Variants in APBA1 observed in about 807,000 individuals in gnomAD.
APBA1 encodes amyloid-beta A4 precursor protein-binding family A member 1.
In APBA1, 55 loss-of-function variants were observed where a neutral mutation model predicts 86.6. That is an observed-to-expected ratio of 0.64 (90% CI 0.51 to 0.80). The LOEUF is 0.80. APBA1 is among the 30% of genes least tolerant of loss of function. The pLI, the probability that APBA1 is intolerant of heterozygous loss-of-function variation, is 0.00. For missense variants in APBA1, 1,090 were observed against 1,183.0 expected (o/e 0.92, Z 1.15); for synonymous variants, 511 against 493.9 (o/e 1.03, Z -0.46).
intron 1 of APBA1, among the ~76,000 whole-genome samples, chr9:69,668,850 G>A (rs1473830970): frequency 6.6e-6 from 1 of 152,026 alleles, no homozygotes; most frequent in Non-Finnish European, 1.5e-5. Context: ...CAACCCAAAT[G>A]CCACCTTAAT....
At chr9:69,522,975 G>A (rs1487774311) in intron 1 of APBA1, among the ~76,000 whole-genome samples, 1 of 152,178 alleles carries the variant, frequency 6.6e-6, no homozygotes, top group Non-Finnish European at 1.5e-5. Flanking sequence ...GTGGCATCCT[G>A]GCTACAGGAT....
intron 12 of APBA1, 66 bp downstream of exon 12, chr9:69,432,470 G>T: frequency 7.1e-7 from 1 of 1,399,192 alleles, no homozygotes; most frequent in Non-Finnish European, 9.4e-7. Context: ...GGGCCACGGT[G>T]AGCATACGAG....
In APBA1 at chr9:69,636,824, AGAGAGAGGGAGGGAGGGAGG is replaced by A. The variant is rs1405632160; in HGVS notation, c.-70+35309_-70+35328del. ...AAAGAAGAGAGAGAGAGAGAGAGAG[AGAGAGAGGGAGGGAGGGAGG>A]GAGGGAGGGAGGGAGGGAGGGAGAG... is the stretch of plus-strand genomic sequence containing the variant. On this transcript the variant is annotated intron_variant, in intron 1 of 12. Transcript: ENST00000265381. Among the ~76,000 whole-genome samples, 20 of 40,666 alleles carry A rather than the reference AGAGAGAGGGAGGGAGGGAGG, an allele frequency of 4.9e-4. 1 individual carries two copies. The highest frequency in any genetic ancestry group is 0.011 in the Middle Eastern group (1 of 88). The allele number at this position is 40,666 out of a possible 152,430, so 26.7% of individuals were successfully genotyped here.
At chr9:69,473,581 C>T (rs1054307980) in intron 3 of APBA1, among the ~76,000 whole-genome samples, 3 of 152,096 alleles carry the variant, frequency 2.0e-5, no homozygotes, top group Non-Finnish European at 4.4e-5. Flanking sequence ...TGGTCTATAG[C>T]TCTAAAAGCT....
At chr9:69,620,402 C>G (rs1159556830) in intron 1 of APBA1, among the ~76,000 whole-genome samples, 2 of 151,964 alleles carry the variant, frequency 1.3e-5, no homozygotes, top group African/African-American at 4.8e-5. Flanking sequence ...GAGTGCCGGC[C>G]AGGCATGGTG....
At chr9:69,543,640 G>A (rs1457775878) in intron 1 of APBA1, among the ~76,000 whole-genome samples, 1 of 152,138 alleles carries the variant, frequency 6.6e-6, no homozygotes, top group African/African-American at 2.4e-5. Context: ...AGAACTCTAG[G>A]AACTAGTTGT....
chr9:69,642,660 A>C (rs1823311529), intron 1 of APBA1, among the ~76,000 whole-genome samples: 1 of 152,098 alleles, frequency 6.6e-6, no homozygotes, highest in Non-Finnish European at 1.5e-5. Context: ...AGAGAGATAG[A>C]GAGAAATAAA....
At chr9:69,575,558 C>A (rs1433418188) in intron 1 of APBA1, among the ~76,000 whole-genome samples, 1 of 152,104 alleles carries the variant, frequency 6.6e-6, no homozygotes, top group East Asian at 1.9e-4. Flanking sequence ...TGCCGCATAT[C>A]TACAACTATC....
chr9:69,439,904 C>T (rs1834780729), intron 11 of APBA1, among the ~76,000 whole-genome samples: 1 of 152,180 alleles, frequency 6.6e-6, no homozygotes, highest in African/African-American at 2.4e-5. Context: ...TTTTCCCCAT[C>T]TTTGTGGTTT....
chr9:69,642,014 T>G (rs1823297827), intron 1 of APBA1, among the ~76,000 whole-genome samples: 2 of 152,264 alleles, frequency 1.3e-5, no homozygotes, highest in Middle Eastern at 3.4e-3. Flanking sequence ...CCTGGCTAAT[T>G]TTTTGTATTT....
At chr9:69,501,791 G>C (rs928520563) in intron 2 of APBA1, among the ~76,000 whole-genome samples, 2 of 152,066 alleles carry the variant, frequency 1.3e-5, no homozygotes, top group Non-Finnish European at 2.9e-5. Context: ...TTGTATCCTT[G>C]CACTCTAGCC....
chr9:69,453,115 T>C (rs1835039845), intron 8 of APBA1, among the ~76,000 whole-genome samples: 1 of 152,244 alleles, frequency 6.6e-6, no homozygotes, highest in Non-Finnish European at 1.5e-5. Flanking sequence ...TATTGTAATA[T>C]GGTTTTATTT....
intron 2 of APBA1, among the ~76,000 whole-genome samples, chr9:69,503,895 C>T (rs1193701500): frequency 6.6e-6 from 1 of 152,096 alleles, no homozygotes; most frequent in Non-Finnish European, 1.5e-5. Flanking sequence ...TTGGGTCCCC[C>T]GTTTCCTGGA....
chr9:69,658,308 T>TTCTCTCTC (rs1451417842), intron 1 of APBA1, among the ~76,000 whole-genome samples: 4 of 39,896 alleles, frequency 1.0e-4, no homozygotes, highest in Non-Finnish European at 1.4e-4. Flanking sequence ...CTCTCTCTCT[T>TTCTCTCTC]TCTTTCTTTC....
intron 10 of APBA1, among the ~76,000 whole-genome samples, chr9:69,443,776 G>A (rs561744443): frequency 3.9e-5 from 6 of 152,188 alleles, no homozygotes; most frequent in South Asian, 2.1e-4. Context: ...ATGTCTGTCC[G>A]CATTCAAAAC....
At chr9:69,486,863 TTCTTTTCTTTTTTTTTTC>T (rs1835619022) in intron 2 of APBA1, among the ~76,000 whole-genome samples, 2 of 104,196 alleles carry the variant, frequency 1.9e-5, no homozygotes, top group Non-Finnish European at 4.3e-5. Flanking sequence ...TTTTTTTTTC[TTCTTTTCTTTTTTTTTTC>T]TTTTTTGTGA....
At chr9:69,571,317 T>C (rs2133948239) in intron 1 of APBA1, among the ~76,000 whole-genome samples, 1 of 152,362 alleles carries the variant, frequency 6.6e-6, no homozygotes, top group African/African-American at 2.4e-5. Flanking sequence ...CATAAAAGTC[T>C]ATCCAGTATT....
intron 1 of APBA1, among the ~76,000 whole-genome samples, chr9:69,642,633 GAGAGAGAGAGAGAT>G (rs1823310272): frequency 6.6e-6 from 1 of 150,850 alleles, no homozygotes; most frequent in African/African-American, 2.5e-5. Context: ...TTTTGTGAAA[GAGAGAGAGAGAGAT>G]AGAGAGAGAT....
intron 1 of APBA1, among the ~76,000 whole-genome samples, chr9:69,660,356 T>C (rs1206717630): frequency 5.3e-5 from 8 of 152,166 alleles, no homozygotes; most frequent in Admixed American, 5.2e-4. Flanking sequence ...GGGGAAAGCA[T>C]ATCACCAAGG....
Sources: allele counts gnomAD v4.1 joint callset (sites outside exome capture counted in the v4.1 genomes callset), GRCh38; gene constraint gnomAD v4.1.1; transcripts MANE v1.5; gene names NCBI Gene and HGNC (gene_info 2026-07-23, HGNC 2026-07-21).